Variants in ASB4 observed in about 807,000 individuals in gnomAD.
ASB4 encodes ankyrin repeat and SOCS box containing 4.
Under a neutral mutation model 38.6 loss-of-function variants are expected in ASB4, and 35 were observed. The observed-to-expected ratio is 0.91, with a 90% CI of 0.69 to 1.20. The LOEUF (loss-of-function observed/expected upper bound fraction) is 1.20. ASB4 is among the 50% of genes most tolerant of loss of function. The probability of loss-of-function intolerance (pLI) is 0.00; values close to 1 mark genes in which losing one functional copy is unlikely to be tolerated. For missense variants in ASB4, 557 were observed against 527.2 expected, an observed-to-expected ratio of 1.06 and a Z score of -0.55; for synonymous variants, 195 against 201.3, an observed-to-expected ratio of 0.97 and a Z score of 0.26.
intron 2 of ASB4, among the ~76,000 whole-genome samples, chr7:95,526,879 G>A (rs1158585096): frequency 6.6e-6 from 1 of 152,170 alleles, no homozygotes; most frequent in Non-Finnish European, 1.5e-5. Context: ...ATTAGGCAGA[G>A]AAGGAAAATT....
intron 2 of ASB4, among the ~76,000 whole-genome samples, chr7:95,505,431 A>C (rs1322665683): frequency 6.6e-6 from 1 of 152,200 alleles, no homozygotes; most frequent in Non-Finnish European, 1.5e-5. Flanking sequence ...AAAATTGTTT[A>C]AAAGACATTA....
intron 2 of ASB4, among the ~76,000 whole-genome samples, chr7:95,513,482 G>C (rs1031359707): frequency 6.6e-6 from 1 of 151,916 alleles, no homozygotes; most frequent in Non-Finnish European, 1.5e-5. Flanking sequence ...CTTGTGGGAG[G>C]TTAGTCTTCG....
intron 2 of ASB4, among the ~76,000 whole-genome samples, chr7:95,515,239 C>A (rs1220246447): frequency 8.6e-6 from 1 of 115,992 alleles, no homozygotes; most frequent in Admixed American, 9.0e-5. Context: ...CTTTTTCTTT[C>A]TTTCTTTCTT....
chr7:95,514,205 C>A (rs1304609236), intron 2 of ASB4, among the ~76,000 whole-genome samples: 1 of 152,168 alleles, frequency 6.6e-6, no homozygotes, highest in Non-Finnish European at 1.5e-5. Context: ...TCATTTCTTT[C>A]TCTACTCAGT....
intron 3 of ASB4, among the ~76,000 whole-genome samples, chr7:95,535,702 T>G (rs1331126289): frequency 6.6e-6 from 1 of 152,056 alleles, no homozygotes; most frequent in African/African-American, 2.4e-5. Context: ...TTTTGGTTGG[T>G]TAATAAACTA....
chr7:95,549,112 C>T, the ASB4 span, among the ~76,000 whole-genome samples: 42 of 152,078 alleles, frequency 2.8e-4, no homozygotes, highest in African/African-American at 9.9e-4. Context: ...TATGGGATAG[C>T]AGGATGGGGA....
At position 95,496,037 on chromosome 7, in the gene ASB4, C is replaced by A; in HGVS notation, c.467C>A (p.Ala156Asp). The A allele has an allele frequency of 6.2e-7, 1 of 1,613,104 alleles. No homozygotes were observed. Among genetic ancestry groups the A allele is most frequent in the Non-Finnish European group, 8.5e-7 (1 of 1,179,230 alleles). Residue 156 changes from alanine (A) to aspartate (D), a missense_variant, in exon 2 of 5, where the codon GCC becomes GAC. By Grantham distance (126) the Ala-to-Asp change is moderately radical. Transcript: ENST00000325885. ...ACAACTCCAAGTTCCATTCTCTGTG[C>A]CAAGCAATTGGTTTGGAGAGGTAAG... ...FCTTPSSILCAKQLVWRGANV... is the reference protein window; with the variant it reads ...FCTTPSSILCDKQLVWRGANV...
At chr7:95,521,416 T>G (rs141786563) in intron 2 of ASB4, among the ~76,000 whole-genome samples, 2 of 152,224 alleles carry the variant, frequency 1.3e-5, no homozygotes, top group African/African-American at 4.8e-5. Context: ...CTAAGAAGTT[T>G]GAGAGTATCA....
At chr7:95,532,087 C>T (rs1417115998) in intron 3 of ASB4, among the ~76,000 whole-genome samples, 1 of 152,184 alleles carries the variant, frequency 6.6e-6, no homozygotes, top group Non-Finnish European at 1.5e-5. Flanking sequence ...ATTCAATTTA[C>T]TATGCAGATG....
chr7:95,541,992 A>T (rs1271803826), downstream of ASB4, among the ~76,000 whole-genome samples: 3 of 152,112 alleles, frequency 2.0e-5, no homozygotes, highest in African/African-American at 7.2e-5. Flanking sequence ...ACTTGAGCCC[A>T]CGAGTTCAAG....
the ASB4 span, among the ~76,000 whole-genome samples, chr7:95,551,236 C>G: frequency 6.6e-6 from 1 of 152,192 alleles, no homozygotes; most frequent in Admixed American, 6.5e-5. Flanking sequence ...TCGGCTTGGC[C>G]TCCCTAAATG....
At chr7:95,499,672 G>A (rs942360250) in intron 2 of ASB4, among the ~76,000 whole-genome samples, 8 of 152,112 alleles carry the variant, frequency 5.3e-5, no homozygotes, top group African/African-American at 1.9e-4. Flanking sequence ...CATAAGAAGA[G>A]CATGATTGCT....
chr7:95,515,340 T>C (rs192249837), intron 2 of ASB4, among the ~76,000 whole-genome samples: 5,127 of 121,702 alleles, frequency 0.042, 251 homozygotes, highest in South Asian at 0.1. Flanking sequence ...TTCCTTTCTT[T>C]CTTTCTTTCT....
intron 2 of ASB4, among the ~76,000 whole-genome samples, chr7:95,503,705 C>G (rs1351456256): frequency 6.6e-6 from 1 of 152,274 alleles, no homozygotes; most frequent in Non-Finnish European, 1.5e-5. Context: ...GAGGAAAATA[C>G]GTCAGGCTAA....
At chr7:95,524,538 G>A (rs951491209) in intron 2 of ASB4, among the ~76,000 whole-genome samples, 27 of 152,004 alleles carry the variant, frequency 1.8e-4, no homozygotes, top group African/African-American at 6.3e-4. Flanking sequence ...ACTATGTAAC[G>A]TATGTTATGT....
intron 1 of ASB4, among the ~76,000 whole-genome samples, chr7:95,494,135 G>T (rs1432428381): frequency 2.0e-5 from 3 of 152,208 alleles, no homozygotes; most frequent in Admixed American, 2.0e-4. Context: ...ATACCCAGGA[G>T]TGGCATGTCT....
chr7:95,474,388 CT>C (rs1789955200), upstream of ASB4, among the ~76,000 whole-genome samples: 1 of 152,130 alleles, frequency 6.6e-6, no homozygotes, highest in South Asian at 2.1e-4. Context: ...CAAAAGGGAT[CT>C]TGCTCACTTA....
In ASB4 at chr7:95,537,717, G is replaced by A. The variant is rs2116660399; in HGVS notation, c.1239G>A (p.Leu413=). 1 of 1,613,688 alleles carries A rather than the reference G, an allele frequency of 6.2e-7. No individual in the cohort carries two copies. The highest frequency in any genetic ancestry group is 2.2e-5 in the East Asian group (1 of 44,870). ...CTTTGCTTTCCCTCCCATTGTCATT[G>A]AAAAAGTACTTGCTTTTAGAGCCAG... ...AIPLLSLPLS[L]KKYLLLEPEG... is the part of the protein sequence containing the mutation. The change falls in exon 5 of 5, where the codon TTG becomes TTA. Residue 413 remains leucine (L), a synonymous_variant. Transcript: ENST00000325885.
In ASB4 at chr7:95,528,020, A is replaced by C. The variant is rs761525802; in HGVS notation, c.695A>C (p.His232Pro). The C allele has an allele frequency of 1.9e-6, 3 of 1,613,928 alleles. No individual in the cohort carries two copies. In the East Asian group the frequency reaches 6.7e-5, roughly 36 times the overall value. The change falls in exon 3 of 5, where the codon CAC becomes CCC. Residue 232 changes from histidine (H) to proline (P), a missense_variant. Physicochemically the swap from His to Pro is moderately conservative, Grantham distance 77. Transcript: ENST00000325885. ...FKEQEYSTEH[H>P]LVCRMLLDYK... is the part of the protein sequence containing the mutation. ...GAGCAGGAGTACAGCACGGAGCACC[A>C]CCTGGTCTGCCGCATGCTGCTTGAC... is the stretch of plus-strand genomic sequence containing the variant.
Sources: allele counts gnomAD v4.1 joint callset (sites outside exome capture counted in the v4.1 genomes callset), GRCh38; gene constraint gnomAD v4.1.1; transcripts MANE v1.5; gene names NCBI Gene and HGNC (gene_info 2026-07-23, HGNC 2026-07-21).